SHISA9: variants seen among roughly 807,000 people sequenced by gnomAD.
The protein encoded by SHISA9 is protein shisa-9.
SHISA9 carries 13 observed loss-of-function variants against 38.0 expected under a neutral mutation model. That is an observed-to-expected ratio of 0.34 (90% confidence interval 0.22 to 0.54). SHISA9 has a LOEUF of 0.54. Among genes scored for constraint, SHISA9 ranks in the 20% least tolerant of loss-of-function variants. The pLI, the probability that SHISA9 is intolerant of heterozygous loss-of-function variation, is 0.91. For missense variants in SHISA9, 538 were observed against 575.8 expected (o/e 0.93, Z 0.67); for synonymous variants, 275 against 242.0 (o/e 1.14, Z -1.27).
the SHISA9 span, among the ~76,000 whole-genome samples, chr16:13,505,965 C>G: frequency 1.1e-4 from 16 of 152,202 alleles, no homozygotes. Flanking sequence ...GAACAGTCAT[C>G]TGTAACTATA....
chr16:13,280,295 G>A, the SHISA9 span, among the ~76,000 whole-genome samples: 1 of 151,332 alleles, frequency 6.6e-6, no homozygotes, highest in African/African-American at 2.4e-5. Flanking sequence ...GAGCTTGAGA[G>A]CCTCATTATG....
chr16:13,549,083 G>C, the SHISA9 span, among the ~76,000 whole-genome samples: 1 of 152,186 alleles, frequency 6.6e-6, no homozygotes, highest in East Asian at 1.9e-4. Context: ...TGAATCTGGA[G>C]ATCATTATGT....
At chr16:13,409,670 C>A in the SHISA9 span, among the ~76,000 whole-genome samples, 1 of 152,224 alleles carries the variant, frequency 6.6e-6, no homozygotes, top group Non-Finnish European at 1.5e-5. Flanking sequence ...CAACCCTATT[C>A]CTAATGTATT....
the SHISA9 span, among the ~76,000 whole-genome samples, chr16:13,496,153 A>G: frequency 1.3e-5 from 2 of 152,202 alleles, no homozygotes; most frequent in East Asian, 3.8e-4. Context: ...TATATTCTGC[A>G]TGTAGCCAGG....
chr16:13,018,587 G>T (rs1489228411), intron 2 of SHISA9, among the ~76,000 whole-genome samples: 2 of 152,352 alleles, frequency 1.3e-5, no homozygotes, highest in Admixed American at 1.3e-4. Context: ...GTCCCAGGCA[G>T]GGGGTGTGGA....
chr16:13,262,650 AAGGAAGGAAGGAAGGAAGGAAGGGAGGG>A, the SHISA9 span, among the ~76,000 whole-genome samples: 8 of 54,032 alleles, frequency 1.5e-4, no homozygotes, highest in Admixed American at 4.4e-4. Flanking sequence ...GGAAGGAAGG[AAGGAAGGAAGGAAGGAAGGAAGGGAGGG>A]AGGAAGGAAG....
At chr16:13,368,038 C>T in the SHISA9 span, among the ~76,000 whole-genome samples, 1 of 152,148 alleles carries the variant, frequency 6.6e-6, no homozygotes, top group African/African-American at 2.4e-5. Context: ...GTATATCTCC[C>T]TCTAAATGCT....
intron 2 of SHISA9, among the ~76,000 whole-genome samples, chr16:12,954,073 C>A (rs11867092): frequency 0.013 from 2,026 of 152,146 alleles, 45 homozygotes; most frequent in African/African-American, 0.047. Context: ...GAATTAACAG[C>A]CAAGTCCACT....
the SHISA9 span, among the ~76,000 whole-genome samples, chr16:13,494,500 A>G: frequency 1.4e-4 from 22 of 152,340 alleles, no homozygotes; most frequent in South Asian, 1.2e-3. Context: ...ACTTCCAATC[A>G]TAAATGAAAA....
chr16:13,171,515 C>G (rs139043418), intron 2 of SHISA9, among the ~76,000 whole-genome samples: 1 of 151,886 alleles, frequency 6.6e-6, no homozygotes, highest in Non-Finnish European at 1.5e-5. Context: ...TCAAGGAAGC[C>G]CTTTCTTGAA....
chr16:13,041,082 A>T (rs969024730), intron 2 of SHISA9, among the ~76,000 whole-genome samples: 1 of 152,190 alleles, frequency 6.6e-6, no homozygotes, highest in South Asian at 2.1e-4. Flanking sequence ...ATCCTGGGCT[A>T]AGTACCAGGG....
chr16:13,384,476 G>T, the SHISA9 span, among the ~76,000 whole-genome samples: 12 of 152,212 alleles, frequency 7.9e-5, no homozygotes, highest in African/African-American at 2.9e-4. Context: ...CATATGGCAT[G>T]AGAATCTGGC....
At chr16:13,232,932 G>T (rs1388265141) in intron 4 of SHISA9, among the ~76,000 whole-genome samples, 2 of 152,146 alleles carry the variant, frequency 1.3e-5, no homozygotes, top group Non-Finnish European at 2.9e-5. Context: ...CTTTACGATT[G>T]GGAGGGCCTG....
chr16:13,388,963 G>C, the SHISA9 span, among the ~76,000 whole-genome samples: 1 of 152,094 alleles, frequency 6.6e-6, no homozygotes, highest in African/African-American at 2.4e-5. Flanking sequence ...GCAAAACTGA[G>C]TAGAAGGTAT....
chr16:13,531,516 C>G, the SHISA9 span, among the ~76,000 whole-genome samples: 1 of 152,026 alleles, frequency 6.6e-6, no homozygotes, highest in East Asian at 1.9e-4. Context: ...ATGTTTAAAC[C>G]CAGGCAGCCA....
chr16:13,206,403 A>G (rs2051064538), intron 3 of SHISA9, among the ~76,000 whole-genome samples: 2 of 152,186 alleles, frequency 1.3e-5, no homozygotes, highest in African/African-American at 4.8e-5. Flanking sequence ...AGTATGAAAT[A>G]TGCTAATCCT....
chr16:13,470,858 C>T, the SHISA9 span, among the ~76,000 whole-genome samples: 2 of 151,926 alleles, frequency 1.3e-5, no homozygotes, highest in Non-Finnish European at 2.9e-5. Flanking sequence ...AAAAAAACAC[C>T]GTAAATCTTA....
chr16:13,163,872 GT>G (rs201873967), intron 2 of SHISA9, among the ~76,000 whole-genome samples: 3 of 151,150 alleles, frequency 2.0e-5, no homozygotes, highest in Admixed American at 1.3e-4. Context: ...AGTTGTAATA[GT>G]TTTTTTTTAG....
the SHISA9 span, among the ~76,000 whole-genome samples, chr16:13,307,610 C>G: frequency 6.6e-6 from 1 of 152,324 alleles, no homozygotes; most frequent in Non-Finnish European, 1.5e-5. Context: ...ATTACAATGA[C>G]TAATCAGACA....
Sources: allele counts gnomAD v4.1 joint callset (sites outside exome capture counted in the v4.1 genomes callset), GRCh38; gene constraint gnomAD v4.1.1; transcripts MANE v1.5; gene names NCBI Gene and HGNC (gene_info 2026-07-23, HGNC 2026-07-21).